The following NLRP14 variants were observed in gnomAD, a reference collection of about 807,000 sequenced individuals.
NLRP14 encodes the protein NACHT, LRR and PYD domains-containing protein 14.
In NLRP14, 105 loss-of-function variants were observed where a neutral mutation model predicts 94.7. That is an observed-to-expected ratio of 1.11 (90% CI 0.95 to 1.30). The LOEUF (loss-of-function observed/expected upper bound fraction) is 1.30, where lower values mean the gene tolerates loss of function less well. Ranked by LOEUF, NLRP14 falls within the 50% of genes most tolerant of loss-of-function variation. The probability of loss-of-function intolerance (pLI) is 0.00; values close to 1 mark genes in which losing one functional copy is unlikely to be tolerated. For synonymous variants in NLRP14, 508 were observed against 459.9 expected, an observed-to-expected ratio of 1.10 and a Z score of -1.34; for missense variants, 1,362 against 1,254.1, an observed-to-expected ratio of 1.09 and a Z score of -1.30.
At chr11:7,054,168 G>A (rs912627430) in intron 6 of NLRP14, among the ~76,000 whole-genome samples, 17 of 152,096 alleles carry the variant, frequency 1.1e-4, no homozygotes, top group Admixed American at 2.6e-4. Flanking sequence ...TAGTACTCCA[G>A]TGTGTGTATG....
downstream of NLRP14, among the ~76,000 whole-genome samples, chr11:7,076,189 A>G (rs958178465): frequency 6.6e-6 from 1 of 152,068 alleles, no homozygotes; most frequent in African/African-American, 2.4e-5. Flanking sequence ...CTTGGTTACT[A>G]AGTTTTTTTG....
At chr11:7,086,140 T>C in the NLRP14 span, among the ~76,000 whole-genome samples, 3 of 152,250 alleles carry the variant, frequency 2.0e-5, no homozygotes, top group African/African-American at 7.2e-5. Context: ...ATAGTGGCTG[T>C]ACCATTTTAT....
intron 10 of NLRP14, among the ~76,000 whole-genome samples, chr11:7,067,476 A>AGT (rs1278577704): frequency 1.3e-5 from 2 of 152,154 alleles, no homozygotes; most frequent in African/African-American, 4.8e-5. Flanking sequence ...TGTGAATGGG[A>AGT]GTTCACTCAT....
rs1852794631 is a variant in NLRP14 at position 7,071,324 on chromosome 11, A to G, written c.*16A>G. On this transcript the variant is annotated 3_prime_UTR_variant, in exon 12 of 12. Transcript: ENST00000299481. ...GTGTTTCTGATTTGAAGAAACTGAC[A>G]TTCCTTTAAAAATATAAATATAAAT... 6.2e-7 allele frequency: 1 copy of G among 1,603,914 alleles called. No individual in the cohort carries two copies. Among genetic ancestry groups the G allele is most frequent in the African/African-American group, 1.3e-5 (1 of 74,738 alleles).
At chr11:7,086,354 T>C in the NLRP14 span, among the ~76,000 whole-genome samples, 1 of 152,212 alleles carries the variant, frequency 6.6e-6, no homozygotes, top group Non-Finnish European at 1.5e-5. Context: ...TCAAAGTACC[T>C]GTAGTTGTTG....
chr11:7,087,771 A>C, the NLRP14 span, among the ~76,000 whole-genome samples: 1 of 152,226 alleles, frequency 6.6e-6, no homozygotes, highest in African/African-American at 2.4e-5. Flanking sequence ...AGAAAGATGG[A>C]AAAAAGGAAG....
intron 1 of NLRP14, among the ~76,000 whole-genome samples, chr11:7,029,116 T>C (rs1202138142): frequency 6.6e-6 from 1 of 152,144 alleles, no homozygotes; most frequent in Non-Finnish European, 1.5e-5. Context: ...TTGATGTAAG[T>C]ACAGACAGGA....
At chr11:7,061,219 A>G (rs1336000927) in intron 9 of NLRP14, among the ~76,000 whole-genome samples, 3 of 152,112 alleles carry the variant, frequency 2.0e-5, no homozygotes, top group Non-Finnish European at 4.4e-5. Context: ...GTAGGGTTCA[A>G]TAAATACATT....
chr11:7,025,992 A>G (rs1275938673), intron 1 of NLRP14, among the ~76,000 whole-genome samples: 2 of 152,230 alleles, frequency 1.3e-5, no homozygotes, highest in South Asian at 2.1e-4. Context: ...TAGAATTGAT[A>G]GTATATTTTG....
intron 6 of NLRP14, among the ~76,000 whole-genome samples, chr11:7,053,644 C>G (rs1257007040): frequency 6.7e-6 from 1 of 150,362 alleles, no homozygotes. Flanking sequence ...TTTTTTTTTA[C>G]TTTCACTTCT....
chr11:7,044,671 T>G (rs1852324577), intron 4 of NLRP14, among the ~76,000 whole-genome samples: 1 of 152,250 alleles, frequency 6.6e-6, no homozygotes, highest in Admixed American at 6.5e-5. Context: ...ACTACCCATC[T>G]AAATCTGAGG....
rs1464909885 is a variant in NLRP14, at chr11:7,046,699, G to A, written c.1990G>A (p.Asp664Asn). 1.2e-6 allele frequency: 2 copies of A among 1,613,740 alleles called. No individual in the cohort carries two copies. Among genetic ancestry groups the A allele is most frequent in the Middle Eastern group, 1.6e-4 (1 of 6,084 alleles). ...DGDRITHCWQ[D>N]LCSVLHTNEH... is the part of the protein sequence containing the mutation. The stretch of plus-strand genomic sequence containing the variant: ...TGATCGCATTACTCACTGTTGGCAA[G>A]ATCTCTGTTCTGTGCTTCATACAAA... The change falls in exon 5 of 12, where the codon GAT becomes AAT. Residue 664 changes from aspartate (D) to asparagine (N), a missense_variant. Coordinates refer to ENST00000299481, the MANE Select transcript of NLRP14 (RefSeq NM_176822.4).
In NLRP14 at chr11:7,071,310, T is replaced by A. The variant is rs762289271; in HGVS notation, c.*2T>A. 2.5e-6 allele frequency: 4 copies of A among 1,610,094 alleles called. No individual in the cohort carries two copies. Among genetic ancestry groups the A allele is most frequent in the Non-Finnish European group, 3.4e-6 (4 of 1,176,652 alleles). On this transcript the variant is annotated 3_prime_UTR_variant, in exon 12 of 12. Transcript: ENST00000299481. ...GTGTCTTGGTGGTGGTGTTTCTGAT[T>A]TGAAGAAACTGACATTCCTTTAAAA...
chr11:7,058,685 A>G (rs1179580009), intron 8 of NLRP14, among the ~76,000 whole-genome samples: 4 of 151,914 alleles, frequency 2.6e-5, no homozygotes, highest in Non-Finnish European at 4.4e-5. Context: ...TTGACCACCC[A>G]ATTTTGAGGG....
chr11:7,030,212 T>C (rs1852071248), intron 1 of NLRP14, among the ~76,000 whole-genome samples: 1 of 152,236 alleles, frequency 6.6e-6, no homozygotes, highest in Admixed American at 6.5e-5. Context: ...TATTAGCTTC[T>C]AAGACTGTCT....
At chr11:7,080,651 G>A in the NLRP14 span, among the ~76,000 whole-genome samples, 1 of 152,106 alleles carries the variant, frequency 6.6e-6, no homozygotes, top group African/African-American at 2.4e-5. Context: ...CAGTCAATAT[G>A]ACATATCATA....
chr11:7,042,487 T>C lies in NLRP14; in HGVS notation c.461T>C (p.Ile154Thr), dbSNP rs1323632659. 2 of 1,614,006 alleles carry C rather than the reference T, an allele frequency of 1.2e-6. No individual in the cohort carries two copies. The highest frequency in any genetic ancestry group is 1.7e-6 in the Non-Finnish European group (2 of 1,179,928). ...AAGCCTGAAGATTTCCATCATGGAA[T>C]TGCAGAGAAAGATAGAAAACTGTTG... ...AGKPEDFHHGIAEKDRKLLEH... is the reference protein window; with the variant it reads ...AGKPEDFHHGTAEKDRKLLEH... The change falls in exon 4 of 12, where the codon ATT becomes ACT. Residue 154 changes from isoleucine (I) to threonine (T), a missense_variant. Ile to Thr is a moderately conservative substitution (Grantham distance 89, BLOSUM62 -1). Transcript: ENST00000299481.
chr11:7,040,494 C>T lies in NLRP14; in HGVS notation c.361+709C>T, dbSNP rs562340020. Among the ~76,000 whole-genome samples the T allele has an allele frequency of 8.5e-5, 13 of 152,316 alleles. No individual in the cohort carries two copies. In the South Asian group the frequency reaches 2.7e-3, roughly 32 times the overall value. ...TCCCCTCCCTGCCCTGCCACCCCTG[C>T]CTCCTACATCCATGGAAAAATTGTC... On this transcript the variant is annotated intron_variant, in intron 3 of 11. Transcript: ENST00000299481.
chr11:7,042,644 C>A lies in NLRP14; in HGVS notation c.618C>A (p.Tyr206Ter). 1 of 1,614,108 alleles carries A rather than the reference C, an allele frequency of 6.2e-7. No individual in the cohort carries two copies. Among genetic ancestry groups the A allele is most frequent in the Non-Finnish European group, 8.5e-7 (1 of 1,179,962 alleles). Residue 206 changes from tyrosine (Y) to a stop codon, truncating the protein, a stop_gained, in exon 4 of 12, where the codon TAC becomes TAA. Coordinates refer to ENST00000299481, the MANE Select transcript of NLRP14 (RefSeq NM_176822.4). LOFTEE classifies it high-confidence loss of function. ...TAGATTGGGCAGAGGGCAGTCTCTA[C>A]CAGCAGAGGTTTAAGTATGTTTTTT... ...AMLDWAEGSL[Y>*]QQRFKYVFYL...
Sources: allele counts gnomAD v4.1 joint callset (sites outside exome capture counted in the v4.1 genomes callset), GRCh38; gene constraint gnomAD v4.1.1; transcripts MANE v1.5; gene names NCBI Gene and HGNC (gene_info 2026-07-23, HGNC 2026-07-21).